The following TYW1B variants were observed in gnomAD, a reference collection of about 807,000 sequenced individuals.
TYW1B encodes the protein tRNA-yW synthesizing protein 1 homolog B.
A neutral mutation model predicts 86.9 loss-of-function variants in TYW1B; 73 were observed. That is an observed-to-expected ratio of 0.84 (90% CI 0.70 to 1.02). The LOEUF (loss-of-function observed/expected upper bound fraction) is 1.02. Ranked by LOEUF, TYW1B falls within the 50% of genes least tolerant of loss-of-function variation. The pLI, the probability that TYW1B is intolerant of heterozygous loss-of-function variation, is 0.00. For synonymous variants in TYW1B, 248 were observed against 292.8 expected, an observed-to-expected ratio of 0.85 and a Z score of 1.56; for missense variants, 637 against 827.4, an observed-to-expected ratio of 0.77 and a Z score of 2.82.
intron 10 of TYW1B, among the ~76,000 whole-genome samples, chr7:72,699,876 T>C (rs186647801): frequency 1.9e-3 from 285 of 152,074 alleles, no homozygotes; most frequent in African/African-American, 6.3e-3. Flanking sequence ...TCTTAAACTC[T>C]TGGCCTCAGG....
In TYW1B at chr7:72,800,988, T is replaced by C. The variant is rs551690371; in HGVS notation, c.846+1412A>G. ...AGTCCACTTTGATATCATTCAGGAA[T>C]GTTTTAAAGTTTTCCAACGTAGGTT... On this transcript the variant is annotated intron_variant, in intron 6 of 13. Coordinates refer to ENST00000620995, the MANE Select transcript of TYW1B (RefSeq NM_001145440.3). 6.6e-5 allele frequency among the ~76,000 whole-genome samples: 10 copies of C among 152,296 alleles called. No homozygotes were observed. In the East Asian group the frequency reaches 1.2e-3, roughly 18 times the overall value.
At chr7:72,716,926 C>A in intron 9 of TYW1B, among the ~76,000 whole-genome samples, 1 of 146,928 alleles carries the variant, frequency 6.8e-6, no homozygotes, top group South Asian at 2.3e-4. Context: ...ACATAGGGTT[C>A]ATTGAAGGGA....
intron 10 of TYW1B, among the ~76,000 whole-genome samples, chr7:72,697,326 C>T (rs1394864097): frequency 1.3e-5 from 2 of 151,944 alleles, no homozygotes; most frequent in Non-Finnish European, 2.9e-5. Context: ...CCAAGGAAGT[C>T]CAATAAGGAA....
At chr7:72,634,355 T>TG (rs1486932372) in intron 11 of TYW1B, among the ~76,000 whole-genome samples, 3 of 142,236 alleles carry the variant, frequency 2.1e-5, no homozygotes, top group African/African-American at 7.7e-5. Context: ...TTTTTTTTTT[T>TG]CTTTTTTTTT....
intron 13 of TYW1B, among the ~76,000 whole-genome samples, chr7:72,577,191 C>G (rs1229495847): frequency 7.3e-6 from 1 of 137,012 alleles, no homozygotes; most frequent in South Asian, 2.5e-4. Flanking sequence ...CTGTTCTAGC[C>G]ACAAAAAAAA....
At chr7:72,679,431 G>A (rs1554448015) in intron 11 of TYW1B, among the ~76,000 whole-genome samples, 1 of 152,162 alleles carries the variant, frequency 6.6e-6, no homozygotes, top group Non-Finnish European at 1.5e-5. Context: ...AGGATAGAAG[G>A]CTACATAGCA....
chr7:72,681,250 AC>A (rs1813867553), intron 11 of TYW1B, among the ~76,000 whole-genome samples: 1 of 152,240 alleles, frequency 6.6e-6, no homozygotes. Context: ...TTGCTCGTTC[AC>A]CAAATACTTA....
At chr7:72,685,711 C>T (rs35931860) in intron 11 of TYW1B, among the ~76,000 whole-genome samples, 12 of 152,130 alleles carry the variant, frequency 7.9e-5, no homozygotes, top group African/African-American at 1.9e-4. Context: ...GAGTTCTAGA[C>T]GATAACACAG....
intron 8 of TYW1B, among the ~76,000 whole-genome samples, chr7:72,737,035 T>TA (rs1363533568): frequency 2.6e-5 from 4 of 151,924 alleles, no homozygotes; most frequent in Non-Finnish European, 4.4e-5. Flanking sequence ...CTCAAAAGAA[T>TA]AAAAAAAACC....
chr7:72,801,285 C>T (rs1169710395), intron 6 of TYW1B, among the ~76,000 whole-genome samples: 2 of 152,118 alleles, frequency 1.3e-5, no homozygotes, highest in Admixed American at 6.6e-5. Context: ...GCCGAGATCC[C>T]ACCACTGCGC....
At chr7:72,625,688 A>C (rs1299449509) in intron 12 of TYW1B, among the ~76,000 whole-genome samples, 4 of 151,948 alleles carry the variant, frequency 2.6e-5, no homozygotes, top group African/African-American at 4.8e-5. Flanking sequence ...AAAACAAAAC[A>C]TCTCAGCTAT....
At chr7:72,647,494 G>T (rs2129569132) in intron 11 of TYW1B, among the ~76,000 whole-genome samples, 1 of 152,282 alleles carries the variant, frequency 6.6e-6, no homozygotes, top group South Asian at 2.1e-4. Context: ...GATGATTTAT[G>T]ATATCACCCT....
At chr7:72,630,147 C>G (rs1440749096) in intron 11 of TYW1B, among the ~76,000 whole-genome samples, 1 of 152,062 alleles carries the variant, frequency 6.6e-6, no homozygotes, top group Non-Finnish European at 1.5e-5. Flanking sequence ...GGCGTGGCGG[C>G]GTGCACCTGT....
At chr7:72,719,780 A>G (rs1232921962) in intron 9 of TYW1B, among the ~76,000 whole-genome samples, 2 of 151,682 alleles carry the variant, frequency 1.3e-5, no homozygotes, top group African/African-American at 4.8e-5. Flanking sequence ...TGAAAAGGGG[A>G]GTGTAGCTGG....
chr7:72,600,881 G>T (rs530688750), intron 13 of TYW1B, among the ~76,000 whole-genome samples: 9 of 152,168 alleles, frequency 5.9e-5, no homozygotes, highest in African/African-American at 2.2e-4. Flanking sequence ...AAAGGGCCGG[G>T]CGTGGTGGCT....
chr7:72,654,995 A>T (rs1554443415), intron 11 of TYW1B, among the ~76,000 whole-genome samples: 1 of 152,180 alleles, frequency 6.6e-6, no homozygotes, highest in Non-Finnish European at 1.5e-5. Flanking sequence ...TGTGCATGGG[A>T]ATTCTGTACT....
intron 11 of TYW1B, among the ~76,000 whole-genome samples, chr7:72,636,293 CTG>C (rs1334977860): frequency 1.3e-5 from 2 of 152,044 alleles, no homozygotes; most frequent in African/African-American, 4.8e-5. Context: ...TGTAAGCTGA[CTG>C]TGTATCTATA....
intron 10 of TYW1B, among the ~76,000 whole-genome samples, chr7:72,703,019 TATA>T (rs1814520512): frequency 9.9e-4 from 31 of 31,304 alleles, no homozygotes; most frequent in African/African-American, 3.8e-3. Flanking sequence ...TATATATATA[TATA>T]TATATTTTTT....
chr7:72,740,181 C>A (rs1354686132), intron 8 of TYW1B, among the ~76,000 whole-genome samples: 2 of 151,508 alleles, frequency 1.3e-5, no homozygotes, highest in African/African-American at 4.9e-5. Context: ...TGCAGTGAGC[C>A]GAGATTGCAC....
Sources: allele counts gnomAD v4.1 joint callset (sites outside exome capture counted in the v4.1 genomes callset), GRCh38; gene constraint gnomAD v4.1.1; transcripts MANE v1.5; gene names NCBI Gene and HGNC (gene_info 2026-07-23, HGNC 2026-07-21).